The following SLC24A2 variants were observed in gnomAD, a reference collection of about 807,000 sequenced individuals.
SLC24A2 encodes solute carrier family 24 member 2.
Under a neutral mutation model 62.0 loss-of-function variants are expected in SLC24A2, and 36 were observed. The ratio of observed to expected loss-of-function variants is 0.58; its 90% CI spans 0.44 to 0.77. The LOEUF (loss-of-function observed/expected upper bound fraction) is 0.77. Ranked by LOEUF, SLC24A2 falls within the 30% of genes least tolerant of loss-of-function variation. The probability of loss-of-function intolerance (pLI) is 0.00; values close to 1 mark genes in which losing one functional copy is unlikely to be tolerated. For missense variants in SLC24A2, 846 were observed against 817.9 expected, an observed-to-expected ratio of 1.03 and a Z score of -0.42; for synonymous variants, 358 against 294.0, an observed-to-expected ratio of 1.22 and a Z score of -2.23.
chr9:20,078,383 C>T, the SLC24A2 span, among the ~76,000 whole-genome samples: 53 of 146,118 alleles, frequency 3.6e-4, no homozygotes, highest in East Asian at 9.3e-3. Context: ...TCAGCTGAGA[C>T]TGCCCTACCC....
At chr9:20,280,134 T>A in the SLC24A2 span, among the ~76,000 whole-genome samples, 1 of 152,042 alleles carries the variant, frequency 6.6e-6, no homozygotes. Context: ...AAAAAGTAGT[T>A]TATTAGGGGA....
chr9:19,852,929 T>G, the SLC24A2 span, among the ~76,000 whole-genome samples: 3 of 152,162 alleles, frequency 2.0e-5, no homozygotes, highest in Admixed American at 1.3e-4. Context: ...TTCATGATCT[T>G]GATTCTTCCT....
At chr9:20,008,853 G>A in the SLC24A2 span, among the ~76,000 whole-genome samples, 1 of 152,130 alleles carries the variant, frequency 6.6e-6, no homozygotes, top group Non-Finnish European at 1.5e-5. Flanking sequence ...TGCAGAGAGT[G>A]ATGTTGGCAA....
the SLC24A2 span, among the ~76,000 whole-genome samples, chr9:19,918,939 G>T: frequency 2.0e-5 from 3 of 152,146 alleles, no homozygotes; most frequent in African/African-American, 7.2e-5. Flanking sequence ...CAATGTTCTG[G>T]GCAAGAAAGA....
the SLC24A2 span, among the ~76,000 whole-genome samples, chr9:20,026,974 G>A: frequency 2.0e-5 from 3 of 151,942 alleles, no homozygotes; most frequent in Admixed American, 6.6e-5. Context: ...CAACTATATA[G>A]TAGAAAAAAA....
At chr9:19,882,066 T>A in the SLC24A2 span, among the ~76,000 whole-genome samples, 52 of 152,244 alleles carry the variant, frequency 3.4e-4, no homozygotes, top group South Asian at 6.2e-4. Context: ...CACCACCATA[T>A]TAATCTGTCA....
At chr9:19,707,670 T>C (rs1189987595) in intron 2 of SLC24A2, among the ~76,000 whole-genome samples, 1 of 152,170 alleles carries the variant, frequency 6.6e-6, no homozygotes, top group African/African-American at 2.4e-5. Context: ...ATTATCTCAA[T>C]AGATGCAGAA....
the SLC24A2 span, among the ~76,000 whole-genome samples, chr9:20,140,200 G>A: frequency 6.6e-6 from 1 of 152,188 alleles, no homozygotes; most frequent in African/African-American, 2.4e-5. Context: ...CTGTTAAACT[G>A]CTACATTTCC....
chr9:19,817,776 C>A, the SLC24A2 span, among the ~76,000 whole-genome samples: 17 of 152,052 alleles, frequency 1.1e-4, no homozygotes, highest in African/African-American at 4.1e-4. Flanking sequence ...GTTGCTCAGG[C>A]TGGAGTGCAG....
the SLC24A2 span, among the ~76,000 whole-genome samples, chr9:20,224,541 T>A: frequency 6.5e-3 from 984 of 152,240 alleles, 13 homozygotes; most frequent in African/African-American, 0.023. Context: ...CATTTGGTTA[T>A]ATCTGCTATT....
chr9:20,095,647 C>A, the SLC24A2 span, among the ~76,000 whole-genome samples: 9 of 152,066 alleles, frequency 5.9e-5, no homozygotes, highest in African/African-American at 1.7e-4. Context: ...TTAGGACTTA[C>A]CCATTTCCAC....
chr9:20,263,514 C>T, the SLC24A2 span, among the ~76,000 whole-genome samples: 5 of 152,092 alleles, frequency 3.3e-5, no homozygotes, highest in Non-Finnish European at 7.4e-5. Context: ...CCCCCAAAAG[C>T]GTTAAGATTA....
chr9:20,221,641 T>C, the SLC24A2 span, among the ~76,000 whole-genome samples: 178 of 152,018 alleles, frequency 1.2e-3, no homozygotes, highest in Non-Finnish European at 1.3e-3. Flanking sequence ...GAACAAAATA[T>C]ATAAAAATAA....
chr9:19,585,685 C>T (rs1189003224), intron 5 of SLC24A2, among the ~76,000 whole-genome samples: 1 of 152,164 alleles, frequency 6.6e-6, no homozygotes, highest in African/African-American at 2.4e-5. Context: ...GACTTTTGGA[C>T]TTTAATTGTA....
At chr9:20,240,059 T>C in the SLC24A2 span, among the ~76,000 whole-genome samples, 7 of 151,984 alleles carry the variant, frequency 4.6e-5, no homozygotes, top group Non-Finnish European at 1.0e-4. Context: ...GAGAACTTGA[T>C]CCCTTCTGGC....
intron 2 of SLC24A2, among the ~76,000 whole-genome samples, chr9:19,657,204 G>A (rs1818966705): frequency 6.6e-6 from 1 of 152,120 alleles, no homozygotes; most frequent in Non-Finnish European, 1.5e-5. Flanking sequence ...CATCTGTCGT[G>A]TATTGAGTGC....
At chr9:20,275,722 C>T in the SLC24A2 span, among the ~76,000 whole-genome samples, 7 of 152,070 alleles carry the variant, frequency 4.6e-5, no homozygotes, top group Admixed American at 6.5e-5. Context: ...TGAAGAAATG[C>T]CCAAGACTGG....
rs764450218 is a variant in SLC24A2, at chr9:19,547,844, CAGAG to C, written c.1479+2289_1479+2292del. Among the ~76,000 whole-genome samples, 7 of 151,564 alleles carry C rather than the reference CAGAG, an allele frequency of 4.6e-5. 1 individual carries two copies. The highest frequency in any genetic ancestry group is 9.8e-5 in the African/African-American group (4 of 40,884). On this transcript the variant is annotated intron_variant, in intron 8 of 10. Transcript: ENST00000341998. ...AGAGCAAGAGAGAGAGAGAGACAGA[CAGAG>C]AGAGGAGAGACAATGCAAGCATATC...
the SLC24A2 span, among the ~76,000 whole-genome samples, chr9:19,798,038 G>T: frequency 3.9e-5 from 6 of 151,964 alleles, no homozygotes; most frequent in African/African-American, 1.5e-4. Context: ...GTCTTGTATG[G>T]GCGAGTTCTT....
Sources: gnomAD v4.1 joint callset for allele counts (sites outside exome capture counted in the v4.1 genomes callset) on GRCh38, gnomAD v4.1.1 for gene constraint, MANE v1.5 for transcripts, NCBI Gene and HGNC (gene_info 2026-07-23, HGNC 2026-07-21) for gene names.